The following BACH2 variants were observed in gnomAD, a reference collection of about 807,000 sequenced individuals.
BACH2 encodes the protein BACH transcriptional regulator 2.
A neutral mutation model predicts 61.8 loss-of-function variants in BACH2; 5 were observed. The observed-to-expected ratio is 0.08, with a 90% confidence interval of 0.04 to 0.17. BACH2 has a LOEUF of 0.17. BACH2 is among the 10% of genes least tolerant of loss of function. The pLI is 1.00. For synonymous variants in BACH2, 446 were observed against 440.1 expected, an observed-to-expected ratio of 1.01 and a Z score of -0.17; for missense variants, 824 against 1,091.1, an observed-to-expected ratio of 0.76 and a Z score of 3.45.
At chr6:90,201,479 T>G (rs1768954705) in intron 4 of BACH2, among the ~76,000 whole-genome samples, 1 of 152,236 alleles carries the variant, frequency 6.6e-6, no homozygotes, top group African/African-American at 2.4e-5. Flanking sequence ...CTTTCTTTGT[T>G]GGTCTTACCT....
At chr6:90,004,394 A>G (rs1313911144) in intron 6 of BACH2, among the ~76,000 whole-genome samples, 1 of 152,164 alleles carries the variant, frequency 6.6e-6, no homozygotes, top group Non-Finnish European at 1.5e-5. Context: ...TGCAGGGGCC[A>G]TACTCACCCC....
At chr6:90,127,934 A>G (rs916494312) in intron 4 of BACH2, among the ~76,000 whole-genome samples, 3 of 152,172 alleles carry the variant, frequency 2.0e-5, no homozygotes, top group Admixed American at 6.5e-5. Context: ...TTAGATGGTG[A>G]TATGTAAGTA....
intron 3 of BACH2, among the ~76,000 whole-genome samples, chr6:90,221,315 A>G (rs1030742717): frequency 3.3e-5 from 5 of 152,202 alleles, no homozygotes; most frequent in East Asian, 3.9e-4. Flanking sequence ...AAAGGAGGCC[A>G]TTTTATTGAA....
chr6:90,206,950 G>A (rs1220103254), intron 3 of BACH2, among the ~76,000 whole-genome samples: 1 of 152,102 alleles, frequency 6.6e-6, no homozygotes, highest in Non-Finnish European at 1.5e-5. Context: ...AGTCTTCCAT[G>A]GGCCAAATGA....
intron 3 of BACH2, among the ~76,000 whole-genome samples, chr6:90,241,218 T>G (rs1582522741): frequency 6.6e-6 from 1 of 151,734 alleles, no homozygotes; most frequent in Non-Finnish European, 1.5e-5. Flanking sequence ...ATAATAATAA[T>G]GTGATAATGT....
intron 6 of BACH2, among the ~76,000 whole-genome samples, chr6:89,972,814 G>A (rs1480134967): frequency 6.6e-6 from 1 of 152,192 alleles, no homozygotes; most frequent in African/African-American, 2.4e-5. Context: ...CGACGGGCTG[G>A]GTGCAGTGGC....
At chr6:90,193,731 T>C (rs1768656883) in intron 4 of BACH2, among the ~76,000 whole-genome samples, 1 of 152,224 alleles carries the variant, frequency 6.6e-6, no homozygotes, top group Admixed American at 6.5e-5. Flanking sequence ...TGTCAAACCA[T>C]TCAATTTTGA....
intron 5 of BACH2, among the ~76,000 whole-genome samples, chr6:90,054,370 TA>T (rs1395635041): frequency 1.3e-5 from 2 of 152,174 alleles, no homozygotes; most frequent in Non-Finnish European, 2.9e-5. Context: ...CACTCACCGC[TA>T]GCACAGCAGT....
chr6:89,933,005 G>A (rs577030466), intron 8 of BACH2, 115 bp from the exon 9 acceptor site: 33 of 1,178,584 alleles, frequency 2.8e-5, no homozygotes, highest in Non-Finnish European at 3.7e-5. Flanking sequence ...TGTAACTCAA[G>A]AATGACTAGG....
rs140531777 is a variant in BACH2, at chr6:89,988,266, A to G, written c.243+20336T>C. ...CAGCAGTCTGAATTTCATCACATTTATACAGCATTTTTCCAGGCATGAGTT... is the reference window on the plus strand; with the variant it reads ...CAGCAGTCTGAATTTCATCACATTTGTACAGCATTTTTCCAGGCATGAGTT... On this transcript the variant is annotated intron_variant, in intron 6 of 8. Transcript: ENST00000257749. Among the ~76,000 whole-genome samples the G allele has an allele frequency of 9.5e-3, 1,449 of 152,350 alleles. 13 individuals carry two copies. Among genetic ancestry groups the G allele is most frequent in the East Asian group, 0.028 (143 of 5,196 alleles).
intron 4 of BACH2, among the ~76,000 whole-genome samples, chr6:90,189,436 G>T (rs146152030): frequency 9.2e-5 from 14 of 151,710 alleles, no homozygotes; most frequent in African/African-American, 3.4e-4. Context: ...GTGAAACCCC[G>T]TATCTACTAA....
intron 5 of BACH2, among the ~76,000 whole-genome samples, chr6:90,039,619 C>T (rs574955354): frequency 4.2e-4 from 64 of 152,266 alleles, no homozygotes; most frequent in African/African-American, 1.3e-3. Flanking sequence ...CTCCTGACCT[C>T]GTGATCTGCT....
chr6:90,284,133 G>C (rs975548796), intron 1 of BACH2, among the ~76,000 whole-genome samples: 9 of 152,154 alleles, frequency 5.9e-5, no homozygotes, highest in Admixed American at 5.9e-4. Flanking sequence ...AAAAGCAAAG[G>C]CTCTGGGATA....
At chr6:90,216,185 C>T (rs1372342099) in intron 3 of BACH2, among the ~76,000 whole-genome samples, 1 of 152,212 alleles carries the variant, frequency 6.6e-6, no homozygotes, top group African/African-American at 2.4e-5. Context: ...GATCTCATTA[C>T]AGCAGTTGAC....
At chr6:90,280,182 C>A (rs1354574870) in intron 1 of BACH2, among the ~76,000 whole-genome samples, 1 of 151,998 alleles carries the variant, frequency 6.6e-6, no homozygotes, top group African/African-American at 2.4e-5. Context: ...ATTTAAATAT[C>A]CCTTTTGAGT....
At chr6:90,175,786 G>A (rs1157925867) in intron 4 of BACH2, among the ~76,000 whole-genome samples, 1 of 152,040 alleles carries the variant, frequency 6.6e-6, no homozygotes, top group African/African-American at 2.4e-5. Context: ...AGATAACAAA[G>A]AGCCCGGCTG....
chr6:90,278,774 A>C (rs531803333), intron 1 of BACH2, among the ~76,000 whole-genome samples: 1 of 152,296 alleles, frequency 6.6e-6, no homozygotes, highest in East Asian at 1.9e-4. Flanking sequence ...CTCTCTGTTA[A>C]GCTCTGATCT....
At chr6:89,946,880 C>T (rs376064569) in intron 7 of BACH2, among the ~76,000 whole-genome samples, 4 of 152,056 alleles carry the variant, frequency 2.6e-5, no homozygotes, top group South Asian at 2.1e-4. Context: ...GATAATACTG[C>T]GCTAATTTGA....
chr6:90,200,762 C>A lies in BACH2; in HGVS notation c.-162+5807G>T, dbSNP rs115525397. 3.8e-3 allele frequency among the ~76,000 whole-genome samples: 571 copies of A among 152,222 alleles called. 4 individuals carry two copies. Among genetic ancestry groups the A allele is most frequent in the African/African-American group, 0.013 (557 of 41,538 alleles). ...GGAAGGCCATGGTCAACATTCTGGG[C>A]AATAGCCTTCCGGTCTTTTTATCAT... On this transcript the variant is annotated intron_variant, in intron 4 of 8. Coordinates refer to ENST00000257749, the MANE Select transcript of BACH2 (RefSeq NM_021813.4).
Sources: gnomAD v4.1 joint callset for allele counts (sites outside exome capture counted in the v4.1 genomes callset) on GRCh38, gnomAD v4.1.1 for gene constraint, MANE v1.5 for transcripts, NCBI Gene and HGNC (gene_info 2026-07-23, HGNC 2026-07-21) for gene names.